The following ADGRF5 variants were observed in gnomAD, a reference collection of about 807,000 sequenced individuals.
The protein encoded by ADGRF5 is G-protein coupled receptor 116.
A neutral mutation model predicts 132.3 loss-of-function variants in ADGRF5; 75 were observed. The observed-to-expected ratio is 0.57, with a 90% CI of 0.47 to 0.69. ADGRF5 has a LOEUF of 0.69. Ranked by LOEUF, ADGRF5 falls within the 30% of genes least tolerant of loss-of-function variation. ADGRF5 has a pLI of 0.00. For synonymous variants in ADGRF5, 629 were observed against 597.6 expected, an observed-to-expected ratio of 1.05 and a Z score of -0.77; for missense variants, 1,516 against 1,630.6, an observed-to-expected ratio of 0.93 and a Z score of 1.21.
chr6:46,921,182 G>A (rs984285958), intron 1 of ADGRF5, among the ~76,000 whole-genome samples: 1 of 152,126 alleles, frequency 6.6e-6, no homozygotes, highest in Non-Finnish European at 1.5e-5. Context: ...TGTGTGGGAG[G>A]CTGCAGCCTA....
chr6:46,954,492 G>A (rs1392417457), intron 1 of ADGRF5, among the ~76,000 whole-genome samples: 1 of 149,348 alleles, frequency 6.7e-6, no homozygotes, highest in East Asian at 2.0e-4. Context: ...AATAAGAATC[G>A]ACACCATGAT....
chr6:46,876,729 A>G (rs220670), intron 10 of ADGRF5, among the ~76,000 whole-genome samples: 136,006 of 152,072 alleles, frequency 0.89, 61,094 homozygotes, highest in African/African-American at 0.96. Context: ...TCAGCCTCCC[A>G]AGTAGCTGGA....
intron 1 of ADGRF5, among the ~76,000 whole-genome samples, chr6:46,909,492 G>A (rs960576383): frequency 6.6e-6 from 1 of 152,200 alleles, no homozygotes; most frequent in African/African-American, 2.4e-5. Flanking sequence ...TAGAAGACAG[G>A]GAGAGGAAAA....
chr6:46,951,599 G>T (rs1452330851), intron 1 of ADGRF5, among the ~76,000 whole-genome samples: 1 of 152,184 alleles, frequency 6.6e-6, no homozygotes, highest in Non-Finnish European at 1.5e-5. Context: ...ATGATGTCAG[G>T]AACTGGCTAT....
At chr6:46,946,519 G>C (rs1360691055) in intron 1 of ADGRF5, among the ~76,000 whole-genome samples, 1 of 152,150 alleles carries the variant, frequency 6.6e-6, no homozygotes, top group Non-Finnish European at 1.5e-5. Flanking sequence ...AAAAATATGG[G>C]TTAGGAAGAG....
intron 1 of ADGRF5, among the ~76,000 whole-genome samples, chr6:46,936,009 T>A (rs1202833013): frequency 1.3e-5 from 2 of 152,236 alleles, no homozygotes; most frequent in Non-Finnish European, 2.9e-5. Flanking sequence ...GCAGAGCAAC[T>A]GCAGCAGTTT....
intron 2 of ADGRF5, among the ~76,000 whole-genome samples, chr6:46,902,722 G>T (rs1344408144): frequency 6.6e-6 from 1 of 152,168 alleles, no homozygotes; most frequent in East Asian, 1.9e-4. Context: ...GTCACCTACA[G>T]CCTCTTCGTT....
At chr6:46,904,287 TG>T (rs1286136185) in intron 2 of ADGRF5, among the ~76,000 whole-genome samples, 5 of 152,094 alleles carry the variant, frequency 3.3e-5, no homozygotes, top group African/African-American at 1.2e-4. Context: ...GGCCAAGAGG[TG>T]GAAGCAACTC....
At chr6:46,920,831 C>T (rs1776865559) in intron 1 of ADGRF5, among the ~76,000 whole-genome samples, 1 of 151,578 alleles carries the variant, frequency 6.6e-6, no homozygotes, top group African/African-American at 2.4e-5. Context: ...CCACTGCACT[C>T]CAACCTGGGC....
At chr6:46,874,002 G>A (rs1186147348) in intron 10 of ADGRF5, among the ~76,000 whole-genome samples, 1 of 152,126 alleles carries the variant, frequency 6.6e-6, no homozygotes, top group African/African-American at 2.4e-5. Flanking sequence ...TCTGTGGTCT[G>A]CCCATTACAC....
chr6:46,870,405 T>C (rs943115272), intron 11 of ADGRF5, among the ~76,000 whole-genome samples: 1 of 152,082 alleles, frequency 6.6e-6, no homozygotes, highest in African/African-American at 2.4e-5. Flanking sequence ...AGCCATCTGC[T>C]CACCTTGGCC....
intron 1 of ADGRF5, among the ~76,000 whole-genome samples, chr6:46,907,709 T>C (rs1409836058): frequency 6.6e-6 from 1 of 152,156 alleles, no homozygotes; most frequent in Non-Finnish European, 1.5e-5. Flanking sequence ...CCAGGTGTTG[T>C]TGTGAAAAGA....
chr6:46,953,319 G>A (rs1778567314), intron 1 of ADGRF5, among the ~76,000 whole-genome samples: 2 of 152,084 alleles, frequency 1.3e-5, no homozygotes, highest in Admixed American at 1.3e-4. Flanking sequence ...GCAACAGAGT[G>A]CAATAGAAAT....
intron 10 of ADGRF5, among the ~76,000 whole-genome samples, chr6:46,877,290 TC>T (rs1771854508): frequency 2.3e-5 from 1 of 42,720 alleles, no homozygotes. Flanking sequence ...TTTCTTTCTT[TC>T]TCTCTCTCTC....
chr6:46,945,792 T>A (rs184278340), intron 1 of ADGRF5, among the ~76,000 whole-genome samples: 1 of 152,202 alleles, frequency 6.6e-6, no homozygotes, highest in African/African-American at 2.4e-5. Flanking sequence ...TTTAATGGAC[T>A]CACATTTCCA....
chr6:46,879,058 C>T (rs1270723830), intron 9 of ADGRF5, among the ~76,000 whole-genome samples: 2 of 152,112 alleles, frequency 1.3e-5, no homozygotes, highest in African/African-American at 4.8e-5. Flanking sequence ...GTAATGATTT[C>T]ACAGGTGCAC....
intron 1 of ADGRF5, among the ~76,000 whole-genome samples, chr6:46,921,391 A>G (rs1373408627): frequency 6.6e-6 from 1 of 151,820 alleles, no homozygotes; most frequent in Non-Finnish European, 1.5e-5. Flanking sequence ...TGGTTTTTAT[A>G]GTATTTTCTG....
chr6:46,875,604 C>T (rs1771566196), intron 10 of ADGRF5, among the ~76,000 whole-genome samples: 1 of 152,088 alleles, frequency 6.6e-6, no homozygotes, highest in Admixed American at 6.5e-5. Flanking sequence ...TGGTGAAACC[C>T]CATCTCTACT....
At chr6:46,886,962 T>C (rs1773127024) in intron 4 of ADGRF5, 2 of 152,208 alleles carry the variant, frequency 1.3e-5, no homozygotes, top group Non-Finnish European at 2.9e-5. Context: ...TAAATTAAAC[T>C]TTCCAAGGTC....
Sources: gnomAD v4.1 joint callset for allele counts (sites outside exome capture counted in the v4.1 genomes callset) on GRCh38, gnomAD v4.1.1 for gene constraint, MANE v1.5 for transcripts, NCBI Gene and HGNC (gene_info 2026-07-23, HGNC 2026-07-21) for gene names.